Variants in ESF1 observed in about 807,000 individuals in gnomAD.
ESF1 encodes ESF1 homolog.
ESF1 carries 58 observed loss-of-function variants against 92.0 expected under a neutral mutation model. That is an observed-to-expected ratio of 0.63 (90% confidence interval 0.51 to 0.78). The LOEUF (loss-of-function observed/expected upper bound fraction) is 0.78. Among genes scored for constraint, ESF1 ranks in the 30% least tolerant of loss-of-function variants. The pLI is 0.00. For synonymous variants in ESF1, 321 were observed against 313.7 expected (o/e 1.02, Z -0.24); for missense variants, 922 against 989.1 (o/e 0.93, Z 0.91).
chr20:13,751,260 A>C (rs886822017), intron 9 of ESF1, among the ~76,000 whole-genome samples: 2 of 152,236 alleles, frequency 1.3e-5, no homozygotes, highest in African/African-American at 4.8e-5. Context: ...AATGAAGGAC[A>C]ACCACAAATA....
At chr20:13,736,977 A>C (rs1260035447) in intron 9 of ESF1, among the ~76,000 whole-genome samples, 3 of 152,196 alleles carry the variant, frequency 2.0e-5, no homozygotes, top group Non-Finnish European at 4.4e-5. Flanking sequence ...TCATGAGGTC[A>C]TTTAAATCTC....
At chr20:13,770,042 A>T in intron 6 of ESF1, 21 bp from the exon 7 acceptor site, 2 of 1,457,402 alleles carry the variant, frequency 1.4e-6, no homozygotes, top group African/African-American at 1.4e-5. Flanking sequence ...AAGAAAAAAA[A>T]TTTATTTAAA....
At chr20:13,757,320 A>G (rs756377649) in intron 9 of ESF1, among the ~76,000 whole-genome samples, 3 of 152,234 alleles carry the variant, frequency 2.0e-5, no homozygotes, top group Non-Finnish European at 4.4e-5. Flanking sequence ...GAGGAAATAT[A>G]AGCAATGCTT....
In ESF1 at chr20:13,716,804, A is replaced by ATTTTTTTTTTTTTTTTTTTTTT. The variant is rs71188180; in HGVS notation, c.2262+542_2262+563dup. On this transcript the variant is annotated intron_variant, in intron 13 of 13. Transcript: ENST00000617257. ...TACAGGTGTGCGCCACTATACCTGG[A>ATTTTTTTTTTTTTTTTTTTTTT]TTTTTTTTTTTTTTTTTTTTTTTTT... Among the ~76,000 whole-genome samples, 3 of 45,918 alleles carry ATTTTTTTTTTTTTTTTTTTTTT rather than the reference A, an allele frequency of 6.5e-5. 1 individual carries two copies. Among genetic ancestry groups the ATTTTTTTTTTTTTTTTTTTTTT allele is most frequent in the Non-Finnish European group, 1.2e-4 (3 of 24,844 alleles). 30.1% of individuals were successfully genotyped at this position (45,918 alleles called of 152,430 possible).
chr20:13,769,865 G>C (rs1272857903), intron 7 of ESF1, 42 bp downstream of exon 7: 1 of 1,215,152 alleles, frequency 8.2e-7, no homozygotes, highest in East Asian at 2.3e-5. Context: ...TCTTCATAAA[G>C]CAATAGAGTC....
chr20:13,732,171 C>T (rs189087873), intron 10 of ESF1, among the ~76,000 whole-genome samples: 32 of 152,218 alleles, frequency 2.1e-4, no homozygotes, highest in Middle Eastern at 3.4e-3. Context: ...TCTTGGGGAC[C>T]GAGCCCCCAA....
At chr20:13,778,126 G>C (rs1396712346) in intron 2 of ESF1, among the ~76,000 whole-genome samples, 2 of 152,112 alleles carry the variant, frequency 1.3e-5, no homozygotes, top group African/African-American at 2.4e-5. Flanking sequence ...TTATAAAAAG[G>C]CTTCACAAAG....
intron 9 of ESF1, among the ~76,000 whole-genome samples, chr20:13,748,449 CATATATAT>C (rs1437629998): frequency 0.051 from 6,996 of 135,892 alleles, 212 homozygotes; most frequent in Non-Finnish European, 0.067. Context: ...CACATATATA[CATATATAT>C]ACATATATAC....
At chr20:13,777,389 T>C (rs566024170) in intron 2 of ESF1, among the ~76,000 whole-genome samples, 1 of 151,772 alleles carries the variant, frequency 6.6e-6, no homozygotes, top group South Asian at 2.1e-4. Flanking sequence ...AATGAACTAG[T>C]TTGTTTGGTG....
chr20:13,777,778 T>C (rs531163288), intron 2 of ESF1, among the ~76,000 whole-genome samples: 47 of 131,248 alleles, frequency 3.6e-4, no homozygotes, highest in African/African-American at 1.3e-3. Flanking sequence ...ATCTTACGTG[T>C]TTTACTCATC....
chr20:13,727,949 A>G (rs2049913127), intron 11 of ESF1, among the ~76,000 whole-genome samples: 1 of 152,340 alleles, frequency 6.6e-6, no homozygotes, highest in East Asian at 1.9e-4. Context: ...ATGCACATAA[A>G]AACAAATTTG....
At position 13,784,905 on chromosome 20, in the gene ESF1, G is replaced by A; in HGVS notation, c.-69C>T. 1.5e-6 allele frequency: 1 copy of A among 648,872 alleles called. No homozygotes were observed. Among genetic ancestry groups the A allele is most frequent in the South Asian group, 1.9e-5 (1 of 52,760 alleles). 40.2% of individuals were successfully genotyped at this position (648,872 alleles called of 1,614,324 possible). A position where few individuals can be genotyped will look rare whatever the true frequency, so the allele number is the denominator to read the frequency against. On this transcript the variant is annotated 5_prime_UTR_variant, in exon 1 of 14. It adds an upstream start codon to the 5' untranslated region. Transcript: ENST00000617257. ...CGTCCGCAGTCCTACCAAGCCTCAC[G>A]TGGGGCTCACACCCACAATCCTCCG...
intron 6 of ESF1, 92 bp from the exon 7 acceptor site, chr20:13,770,113 C>T: frequency 1.4e-6 from 1 of 690,256 alleles, no homozygotes; most frequent in Non-Finnish European, 2.4e-6. Flanking sequence ...TTTATACATA[C>T]ACAAACTTTC....
At chr20:13,727,039 G>A (rs967354987) in intron 11 of ESF1, among the ~76,000 whole-genome samples, 13 of 152,138 alleles carry the variant, frequency 8.5e-5, no homozygotes, top group African/African-American at 2.7e-4. Context: ...ATTTAAATGT[G>A]TTGATTCCAA....
At chr20:13,765,625 C>T (rs1394989735) in intron 8 of ESF1, among the ~76,000 whole-genome samples, 1 of 152,186 alleles carries the variant, frequency 6.6e-6, no homozygotes, top group Non-Finnish European at 1.5e-5. Context: ...TGACATTAAG[C>T]AGCCACCCAG....
rs552685292 is a variant in ESF1 at position 13,751,580 on chromosome 20, G to C, written c.1828+8112C>G. The stretch of plus-strand genomic sequence containing the variant: ...GAATCCTGTGCAGGGATGTGGGGGG[G>C]AACCAGATCAATTAACCTGAAACTT... On this transcript the variant is annotated intron_variant, in intron 9 of 13. Transcript: ENST00000617257. Among the ~76,000 whole-genome samples, 3 of 152,246 alleles carry C rather than the reference G, an allele frequency of 2.0e-5. No individual in the cohort carries two copies. The Middle Eastern group carries it at 0.01, about 518-fold the overall frequency.
At chr20:13,774,781 GTTTA>G (rs1979849295) in intron 4 of ESF1, among the ~76,000 whole-genome samples, 1 of 152,132 alleles carries the variant, frequency 6.6e-6, no homozygotes, top group Admixed American at 6.5e-5. Context: ...GGTCATTTGT[GTTTA>G]TTAAGGTAAT....
intron 10 of ESF1, among the ~76,000 whole-genome samples, chr20:13,732,564 A>G (rs2049949915): frequency 6.6e-6 from 1 of 152,210 alleles, no homozygotes. Flanking sequence ...TGGTCTGAGT[A>G]ACTGTGGATT....
At chr20:13,731,787 C>T (rs2049944996) in intron 10 of ESF1, among the ~76,000 whole-genome samples, 1 of 152,142 alleles carries the variant, frequency 6.6e-6, no homozygotes, top group Non-Finnish European at 1.5e-5. Context: ...AAGACCTTCC[C>T]CAGAGAGGGT....
Sources: gnomAD v4.1 joint callset for allele counts (sites outside exome capture counted in the v4.1 genomes callset) on GRCh38, gnomAD v4.1.1 for gene constraint, MANE v1.5 for transcripts, NCBI Gene and HGNC (gene_info 2026-07-23, HGNC 2026-07-21) for gene names.